SSBP2: variants seen among roughly 807,000 people sequenced by gnomAD.
SSBP2 encodes the protein single stranded DNA binding protein 2, also known as single-stranded DNA-binding protein 2.
In SSBP2, 17 loss-of-function variants were observed where a neutral mutation model predicts 61.8. The ratio of observed to expected loss-of-function variants is 0.28; its 90% CI spans 0.19 to 0.41. SSBP2 has a LOEUF of 0.41. SSBP2 is among the 10% of genes least tolerant of loss of function. The pLI is 1.00. For missense variants in SSBP2, 310 were observed against 458.7 expected, an observed-to-expected ratio of 0.68 and a Z score of 2.96; for synonymous variants, 139 against 141.3, an observed-to-expected ratio of 0.98 and a Z score of 0.12.
At chr5:81,722,189 C>A (rs1187521834) in intron 1 of SSBP2, among the ~76,000 whole-genome samples, 1 of 151,952 alleles carries the variant, frequency 6.6e-6, no homozygotes, top group Non-Finnish European at 1.5e-5. Flanking sequence ...TACAAAATAT[C>A]CTGGCTTACA....
intron 4 of SSBP2, among the ~76,000 whole-genome samples, chr5:81,603,157 G>A (rs1170319797): frequency 6.6e-6 from 1 of 152,190 alleles, no homozygotes; most frequent in Non-Finnish European, 1.5e-5. Context: ...TCTGGACAAT[G>A]AATGGAGATA....
At chr5:81,732,491 ATCAC>A (rs71000858) in intron 1 of SSBP2, among the ~76,000 whole-genome samples, 3,369 of 152,344 alleles carry the variant, frequency 0.022, 60 homozygotes, top group Non-Finnish European at 0.033. Context: ...ATTAAATGGA[ATCAC>A]TCAAACTTAA....
At chr5:81,553,736 T>C (rs2972228) in intron 4 of SSBP2, among the ~76,000 whole-genome samples, 106,118 of 152,038 alleles carry the variant, frequency 0.7, 39,167 homozygotes, top group African/African-American at 0.93. Flanking sequence ...CAGGATGTTG[T>C]TGTTTCAGCA....
chr5:81,563,069 A>C (rs1210220379), intron 4 of SSBP2, among the ~76,000 whole-genome samples: 1 of 152,198 alleles, frequency 6.6e-6, no homozygotes, highest in Non-Finnish European at 1.5e-5. Flanking sequence ...AGAATAGCCA[A>C]ACTAATTTTG....
At chr5:81,591,677 C>T (rs961788854) in intron 4 of SSBP2, among the ~76,000 whole-genome samples, 10 of 151,820 alleles carry the variant, frequency 6.6e-5, no homozygotes, top group African/African-American at 2.4e-4. Flanking sequence ...GTAAACTCAA[C>T]ACAGTGAGGA....
chr5:81,701,977 GTA>G (rs1754014719), intron 1 of SSBP2, among the ~76,000 whole-genome samples: 1 of 152,152 alleles, frequency 6.6e-6, no homozygotes, highest in Non-Finnish European at 1.5e-5. Flanking sequence ...TTATTAAAAT[GTA>G]TGTTTAACTG....
intron 1 of SSBP2, chr5:81,710,684 T>A (rs1754714412): frequency 2.2e-6 from 1 of 453,942 alleles, no homozygotes; most frequent in Admixed American, 2.4e-5. Flanking sequence ...TTACCTCCAA[T>A]ATAATACGAA....
intron 2 of SSBP2, among the ~76,000 whole-genome samples, chr5:81,638,979 G>T (rs976859586): frequency 4.6e-5 from 7 of 152,110 alleles, no homozygotes; most frequent in African/African-American, 1.7e-4. Context: ...CTCCATTTTT[G>T]AGGTTTTTCT....
At chr5:81,669,800 GAAA>G (rs1291658570) in intron 1 of SSBP2, among the ~76,000 whole-genome samples, 1 of 148,024 alleles carries the variant, frequency 6.8e-6, no homozygotes, top group African/African-American at 2.5e-5. Context: ...AAGAAATGAA[GAAA>G]AAAAGAAGGC....
chr5:81,512,710 A>G (rs79234577), intron 5 of SSBP2, among the ~76,000 whole-genome samples: 1,763 of 152,196 alleles, frequency 0.012, 38 homozygotes, highest in African/African-American at 0.04. Flanking sequence ...TTTCACATTT[A>G]TAAGTACATT....
At chr5:81,442,776 TCA>T in intron 12 of SSBP2, 53 bp from the exon 13 acceptor site, 1 of 939,388 alleles carries the variant, frequency 1.1e-6, no homozygotes. Flanking sequence ...TATACCCAAT[TCA>T]TCACAAAGTA....
At chr5:81,586,671 T>C (rs1775080070) in intron 4 of SSBP2, among the ~76,000 whole-genome samples, 3 of 150,782 alleles carry the variant, frequency 2.0e-5, no homozygotes, top group African/African-American at 7.3e-5. Flanking sequence ...ATGAGATTGC[T>C]ATCCTTAAAA....
In SSBP2 at chr5:81,592,236, G is replaced by T. The variant is rs528754751; in HGVS notation, c.282+23237C>A. Among the ~76,000 whole-genome samples, 13 of 152,348 alleles carry T rather than the reference G, an allele frequency of 8.5e-5. No individual in the cohort carries two copies. The South Asian group carries it at 2.3e-3, about 27-fold the overall frequency. On this transcript the variant is annotated intron_variant, in intron 4 of 16. Transcript: ENST00000320672. ...CTACGCCCACAGAGTCTCGCTCATT[G>T]CTAGCACAGCAGTCCAAGATCAAAC...
At chr5:81,489,505 AT>A (rs1323127835) in intron 5 of SSBP2, among the ~76,000 whole-genome samples, 196 bp from the exon 6 acceptor site, 6 of 152,218 alleles carry the variant, frequency 3.9e-5, no homozygotes, top group Non-Finnish European at 5.9e-5. Context: ...TATCTAGAAA[AT>A]TTTCCAAAGA....
At chr5:81,457,725 G>A (rs1422867095) in intron 10 of SSBP2, among the ~76,000 whole-genome samples, 1 of 151,672 alleles carries the variant, frequency 6.6e-6, no homozygotes, top group Non-Finnish European at 1.5e-5. Context: ...GCAATGGCGC[G>A]ATCTCGGCTC....
rs185623228 is a variant in SSBP2 at position 81,574,753 on chromosome 5, A to T, written c.282+40720T>A. Among the ~76,000 whole-genome samples, 19 of 152,312 alleles carry T rather than the reference A, an allele frequency of 1.2e-4. No homozygotes were observed. In the East Asian group the frequency reaches 3.1e-3, roughly 25 times the overall value. On this transcript the variant is annotated intron_variant, in intron 4 of 16. Coordinates refer to ENST00000320672, the MANE Select transcript of SSBP2 (RefSeq NM_012446.5). ...ACTGACAGCTGGAACCTAAATAGAA[A>T]CAGCAAAAGCCGGAACACACAGGAA...
intron 4 of SSBP2, among the ~76,000 whole-genome samples, chr5:81,564,791 G>T (rs1773301304): frequency 6.6e-6 from 1 of 152,178 alleles, no homozygotes; most frequent in Admixed American, 6.5e-5. Flanking sequence ...ACAAACTTTG[G>T]TATTCAAAAG....
chr5:81,742,176 CTA>C (rs1757068306), intron 1 of SSBP2, among the ~76,000 whole-genome samples: 1 of 151,968 alleles, frequency 6.6e-6, no homozygotes, highest in South Asian at 2.1e-4. Context: ...ATTTTGAAAA[CTA>C]TAAAGTACAA....
intron 1 of SSBP2, among the ~76,000 whole-genome samples, chr5:81,736,143 A>AAC (rs58588638): frequency 0.12 from 8,756 of 74,818 alleles, 359 homozygotes; most frequent in African/African-American, 0.15. Context: ...ACTACCCTGA[A>AAC]ACACACACAC....
Sources: gnomAD v4.1 joint callset for allele counts (sites outside exome capture counted in the v4.1 genomes callset) on GRCh38, gnomAD v4.1.1 for gene constraint, MANE v1.5 for transcripts, NCBI Gene and HGNC (gene_info 2026-07-23, HGNC 2026-07-21) for gene names.